Variants in ARMC8 observed in about 807,000 individuals in gnomAD.
ARMC8 encodes armadillo repeat-containing protein 8.
ARMC8 carries 20 observed loss-of-function variants against 99.3 expected under a neutral mutation model. The observed-to-expected ratio is 0.20, with a 90% confidence interval of 0.14 to 0.29. The LOEUF (loss-of-function observed/expected upper bound fraction) is 0.29, where lower values mean the gene tolerates loss of function less well. Ranked by LOEUF, ARMC8 falls within the 10% of genes least tolerant of loss-of-function variation. The pLI, the probability that ARMC8 is intolerant of heterozygous loss-of-function variation, is 1.00. For synonymous variants in ARMC8, 263 were observed against 278.3 expected, an observed-to-expected ratio of 0.95 and a Z score of 0.55; for missense variants, 569 against 809.5, an observed-to-expected ratio of 0.70 and a Z score of 3.60.
At chr3:138,271,688 CATT>C (rs1348831793) in intron 16 of ARMC8, among the ~76,000 whole-genome samples, 1 of 152,074 alleles carries the variant, frequency 6.6e-6, no homozygotes, top group Non-Finnish European at 1.5e-5. Flanking sequence ...TGCTGCCTCA[CATT>C]ATTATGTAAC....
In ARMC8 at chr3:138,214,495, A is replaced by G. The variant is rs538646592; in HGVS notation, c.122+4602A>G. Among the ~76,000 whole-genome samples, 3 of 152,312 alleles carry G rather than the reference A, an allele frequency of 2.0e-5. No individual in the cohort carries two copies. In the South Asian group the frequency reaches 6.2e-4, roughly 32 times the overall value. ...TCTCTGGTTTCAGTAGAATGTAGAC[A>G]GGTTCCATTTTCTTGCATGAGCTAA... is the stretch of plus-strand genomic sequence containing the variant. On this transcript the variant is annotated intron_variant, in intron 2 of 21. Coordinates refer to ENST00000469044, the MANE Select transcript of ARMC8 (RefSeq NM_001363941.2).
Position 138,295,851 on chromosome 3 carries a change from G to T in ARMC8, c.1989-8G>T, listed in dbSNP as rs768276344. 6.2e-7 allele frequency: 1 copy of T among 1,613,408 alleles called. No individual in the cohort carries two copies. Among genetic ancestry groups the T allele is most frequent in the African/African-American group, 1.3e-5 (1 of 74,924 alleles). On this transcript the variant is annotated splice_region_variant and splice_polypyrimidine_tract_variant and intron_variant, in intron 21 of 21. Transcript: ENST00000469044. ...AGATGATGGCTAACAGGAATTTTGT[G>T]ATTTCAGGGCAAAGATGGCACTGCA...
At chr3:138,278,613 G>C (rs1351246107) in intron 18 of ARMC8, among the ~76,000 whole-genome samples, 1 of 152,116 alleles carries the variant, frequency 6.6e-6, no homozygotes, top group Non-Finnish European at 1.5e-5. Context: ...TGCCACTTGG[G>C]ATTTCGATCG....
intron 1 of ARMC8, among the ~76,000 whole-genome samples, chr3:138,200,291 CA>C (rs2043978959): frequency 6.9e-6 from 1 of 145,866 alleles, no homozygotes; most frequent in African/African-American, 2.8e-5. Context: ...GTGAATGTGA[CA>C]GTTACACTGC....
intron 1 of ARMC8, chr3:138,188,043 G>A (rs989210325): frequency 2.1e-5 from 5 of 234,390 alleles, no homozygotes; most frequent in Middle Eastern, 3.1e-3. Context: ...AGAGGTGCAG[G>A]CTCCTTGGCC....
chr3:138,281,516 C>A (rs1016697845), intron 18 of ARMC8, among the ~76,000 whole-genome samples: 4 of 152,144 alleles, frequency 2.6e-5, no homozygotes, highest in African/African-American at 9.7e-5. Flanking sequence ...TGGTCTCAAT[C>A]TCTTGACCTC....
chr3:138,188,550 A>G (rs373004506), intron 1 of ARMC8: 24 of 1,614,032 alleles, frequency 1.5e-5, no homozygotes, highest in East Asian at 2.2e-5. Context: ...CCAATGGTTC[A>G]TTTGCTATTG....
chr3:138,261,863 G>A (rs1443789115), intron 12 of ARMC8: 1 of 152,210 alleles, frequency 6.6e-6, no homozygotes. Context: ...AAGTTGCAAT[G>A]TGTGTCCCCA....
chr3:138,247,951 G>T (rs146212937), intron 12 of ARMC8, among the ~76,000 whole-genome samples: 1 of 152,150 alleles, frequency 6.6e-6, no homozygotes, highest in Non-Finnish European at 1.5e-5. Context: ...TGCAGAAATC[G>T]TACACAGAGT....
chr3:138,278,923 A>G (rs546140587), intron 18 of ARMC8, among the ~76,000 whole-genome samples: 1 of 152,136 alleles, frequency 6.6e-6, no homozygotes, highest in South Asian at 2.1e-4. Context: ...AGTCACTTTA[A>G]GTTATTTTGC....
intron 1 of ARMC8, among the ~76,000 whole-genome samples, chr3:138,208,945 G>T (rs1231676103): frequency 6.6e-6 from 1 of 152,132 alleles, no homozygotes; most frequent in African/African-American, 2.4e-5. Flanking sequence ...GACAGCTTGG[G>T]TGGCCTACAG....
chr3:138,257,678 A>G (rs2047475319), intron 12 of ARMC8, among the ~76,000 whole-genome samples: 1 of 152,170 alleles, frequency 6.6e-6, no homozygotes, highest in African/African-American at 2.4e-5. Flanking sequence ...AAAAAATAAA[A>G]AAAAAATTTA....
intron 12 of ARMC8, among the ~76,000 whole-genome samples, chr3:138,253,119 A>T (rs184712574): frequency 1.3e-5 from 2 of 152,302 alleles, no homozygotes; most frequent in Non-Finnish European, 1.5e-5. Context: ...AAAAAAATCT[A>T]GTTCACTTAT....
intron 5 of ARMC8, among the ~76,000 whole-genome samples, chr3:138,225,215 C>G (rs1203749072): frequency 6.7e-6 from 1 of 148,934 alleles, no homozygotes; most frequent in South Asian, 2.1e-4. Context: ...AAGCAATTCT[C>G]CTGCCTCAGC....
At chr3:138,288,895 C>A in intron 19 of ARMC8, 153 bp from the exon 20 acceptor site, 1 of 592,360 alleles carries the variant, frequency 1.7e-6, no homozygotes, top group South Asian at 2.0e-5. Flanking sequence ...CCTTGGTCTC[C>A]CAAAGTGCTG....
intron 14 of ARMC8, among the ~76,000 whole-genome samples, chr3:138,266,411 C>T (rs2048290654): frequency 1.3e-5 from 2 of 152,180 alleles, no homozygotes; most frequent in South Asian, 2.1e-4. Context: ...ACTGTTGGGG[C>T]CAGATTTGAC....
intron 1 of ARMC8, among the ~76,000 whole-genome samples, chr3:138,196,671 C>T (rs970151937): frequency 3.9e-5 from 6 of 151,920 alleles, no homozygotes; most frequent in African/African-American, 1.5e-4. Flanking sequence ...GAGTCTGAGA[C>T]CAGCCTAACA....
chr3:138,256,123 T>C (rs1238728886), intron 12 of ARMC8, among the ~76,000 whole-genome samples: 1 of 152,246 alleles, frequency 6.6e-6, no homozygotes, highest in Admixed American at 6.5e-5. Flanking sequence ...GCAGTTTTTA[T>C]TTGCAACAGA....
intron 11 of ARMC8, among the ~76,000 whole-genome samples, chr3:138,244,079 G>A (rs62280655): frequency 2.6e-5 from 4 of 152,016 alleles, no homozygotes; most frequent in Non-Finnish European, 4.4e-5. Flanking sequence ...TAGAAGAGTT[G>A]ATAATTAGTT....
Sources: gnomAD v4.1 joint callset for allele counts (sites outside exome capture counted in the v4.1 genomes callset) on GRCh38, gnomAD v4.1.1 for gene constraint, MANE v1.5 for transcripts, NCBI Gene and HGNC (gene_info 2026-07-23, HGNC 2026-07-21) for gene names.